STAU1: variants seen among roughly 807,000 people sequenced by gnomAD.
STAU1 encodes double-stranded RNA-binding protein Staufen homolog 1.
STAU1 carries 13 observed loss-of-function variants against 62.9 expected under a neutral mutation model. The ratio of observed to expected loss-of-function variants is 0.21; its 90% CI spans 0.13 to 0.33. The LOEUF is 0.33. STAU1 is among the 10% of genes least tolerant of loss of function. STAU1 has a pLI of 1.00. For missense variants in STAU1, 571 were observed against 712.1 expected (o/e 0.80, Z 2.25); for synonymous variants, 269 against 265.1 (o/e 1.01, Z -0.14).
chr20:49,214,716 C>A, the STAU1 span, among the ~76,000 whole-genome samples: 8 of 152,130 alleles, frequency 5.3e-5, no homozygotes, highest in African/African-American at 9.7e-5. Flanking sequence ...TAAATTAGAT[C>A]ATGCTTGTGA....
intron 8 of STAU1, among the ~76,000 whole-genome samples, chr20:49,120,485 T>C (rs192408632): frequency 4.6e-5 from 7 of 152,330 alleles, no homozygotes; most frequent in African/African-American, 1.7e-4. Context: ...ATTCCCAGCA[T>C]TGCCATTGGA....
intron 5 of STAU1, among the ~76,000 whole-genome samples, chr20:49,145,908 GA>G (rs1167889131): frequency 6.6e-6 from 1 of 151,216 alleles, no homozygotes; most frequent in East Asian, 1.9e-4. Context: ...GTCTCTGTTA[GA>G]AAAAAATAAA....
chr20:49,118,266 G>A, intron 10 of STAU1, 67 bp downstream of exon 10: 3 of 1,471,744 alleles, frequency 2.0e-6, no homozygotes, highest in East Asian at 2.3e-5. Context: ...GGCTCCTGCT[G>A]TTATTCAGGA....
chr20:49,211,628 C>T, the STAU1 span, among the ~76,000 whole-genome samples: 17 of 152,182 alleles, frequency 1.1e-4, no homozygotes, highest in East Asian at 2.9e-3. Context: ...CTGTCTCGGC[C>T]TCCTGAGTAG....
At chr20:49,134,875 T>C in intron 6 of STAU1, 1 of 1,587,332 alleles carries the variant, frequency 6.3e-7, no homozygotes, top group Non-Finnish European at 8.6e-7. Flanking sequence ...TGAGAGCCTA[T>C]TTACAACAGC....
At chr20:49,159,394 T>C (rs1478405745) in intron 3 of STAU1, among the ~76,000 whole-genome samples, 1 of 152,122 alleles carries the variant, frequency 6.6e-6, no homozygotes, top group African/African-American at 2.4e-5. Flanking sequence ...CGGTTAGAGA[T>C]GAACACACAG....
At chr20:49,167,199 T>TAAAAACA (rs2093538318) in intron 2 of STAU1, among the ~76,000 whole-genome samples, 1 of 151,246 alleles carries the variant, frequency 6.6e-6, no homozygotes, top group African/African-American at 2.4e-5. Context: ...GCTGAAAATG[T>TAAAAACA]TTTTAATGAG....
At chr20:49,205,295 C>T in the STAU1 span, among the ~76,000 whole-genome samples, 4 of 151,888 alleles carry the variant, frequency 2.6e-5, no homozygotes, top group African/African-American at 4.8e-5. Context: ...CTTCTCATTA[C>T]GCACACAAGT....
At chr20:49,160,663 A>G (rs1157235845) in intron 3 of STAU1, among the ~76,000 whole-genome samples, 2 of 152,230 alleles carry the variant, frequency 1.3e-5, no homozygotes, top group African/African-American at 4.8e-5. Context: ...TTTTAAAATT[A>G]TAGTCAGACT....
the STAU1 span, among the ~76,000 whole-genome samples, chr20:49,219,013 CAAAAAAA>C: frequency 0.02 from 1,076 of 53,212 alleles, 28 homozygotes; most frequent in African/African-American, 0.071. Context: ...AACCCTGCCT[CAAAAAAA>C]AAAAAAAAAA....
the STAU1 span, among the ~76,000 whole-genome samples, chr20:49,201,769 G>A: frequency 6.6e-6 from 1 of 150,936 alleles, no homozygotes; most frequent in East Asian, 1.9e-4. Flanking sequence ...AAATGGGGAG[G>A]GGGGAATATT....
At chr20:49,153,873 T>G in intron 4 of STAU1, 60 bp downstream of exon 4, 1 of 1,467,924 alleles carries the variant, frequency 6.8e-7, no homozygotes. Context: ...CTGGTTTATG[T>G]AAAAGATCAG....
chr20:49,116,334 G>A (rs1037616240), intron 12 of STAU1, among the ~76,000 whole-genome samples: 2 of 151,372 alleles, frequency 1.3e-5, no homozygotes, highest in African/African-American at 2.4e-5. Context: ...CATTATCTTC[G>A]GAGACACTGT....
chr20:49,129,798 T>C (rs1319529646), intron 6 of STAU1, among the ~76,000 whole-genome samples: 3 of 152,014 alleles, frequency 2.0e-5, no homozygotes, highest in Non-Finnish European at 4.4e-5. Context: ...GGCTAATTTT[T>C]TGTATTTTTA....
At chr20:49,216,254 G>C in the STAU1 span, among the ~76,000 whole-genome samples, 2 of 151,874 alleles carry the variant, frequency 1.3e-5, no homozygotes, top group African/African-American at 4.8e-5. Flanking sequence ...GGCTGGGTGC[G>C]GTGGCTCACA....
upstream of STAU1, among the ~76,000 whole-genome samples, chr20:49,192,411 G>A (rs2093832510): frequency 6.6e-6 from 1 of 150,866 alleles, no homozygotes; most frequent in Admixed American, 6.6e-5. Flanking sequence ...TTACAAAGCA[G>A]TGGAAAAATA....
At chr20:49,174,933 CAA>C (rs551431293) in intron 1 of STAU1, among the ~76,000 whole-genome samples, 7 of 59,470 alleles carry the variant, frequency 1.2e-4, no homozygotes, top group East Asian at 4.8e-4. Context: ...GACTCCGTCA[CAA>C]AAAAAAAAAA....
intron 6 of STAU1, among the ~76,000 whole-genome samples, chr20:49,129,021 CCA>C (rs1252364296): frequency 9.2e-5 from 14 of 151,786 alleles, no homozygotes; most frequent in Middle Eastern, 6.8e-3. Flanking sequence ...AAACGACAAG[CCA>C]CAGACTTAAG....
chr20:49,203,179 C>A, the STAU1 span, among the ~76,000 whole-genome samples: 3 of 152,020 alleles, frequency 2.0e-5, no homozygotes, highest in Non-Finnish European at 2.9e-5. Flanking sequence ...AATCCCAATA[C>A]TTTAGGAGCC....
Sources: gnomAD v4.1 joint callset for allele counts (sites outside exome capture counted in the v4.1 genomes callset) on GRCh38, gnomAD v4.1.1 for gene constraint, MANE v1.5 for transcripts, NCBI Gene and HGNC (gene_info 2026-07-23, HGNC 2026-07-21) for gene names.